Variants in DCAF8L2 observed in about 807,000 individuals in gnomAD.
DCAF8L2 encodes DDB1- and CUL4-associated factor 8-like protein 2.
For synonymous variants in DCAF8L2, 200 were observed against 190.9 expected, an observed-to-expected ratio of 1.05 and a Z score of -0.39; for missense variants, 430 against 490.7, an observed-to-expected ratio of 0.88 and a Z score of 1.17.
At chrX:27,519,299 C>A in the DCAF8L2 span, 1 of 1,036,292 alleles carries the variant, frequency 9.6e-7, no homozygotes, top group Non-Finnish European at 1.4e-6. Flanking sequence ...TGAAAACGAG[C>A]AAAAGAAGAA....
intron 4 of DCAF8L2, among the ~76,000 whole-genome samples, chrX:27,745,751 T>C (rs1922128590): frequency 8.9e-6 from 1 of 112,036 alleles, no homozygotes; most frequent in East Asian, 2.8e-4. Flanking sequence ...TATGCTGATA[T>C]CACCTTAGAT....
chrX:27,552,639 T>G, the DCAF8L2 span, among the ~76,000 whole-genome samples: 1 of 112,066 alleles, frequency 8.9e-6, no homozygotes, highest in East Asian at 2.8e-4. Context: ...CCCTCTATTT[T>G]GTTCCATTGG....
chrX:27,581,727 C>A, the DCAF8L2 span, among the ~76,000 whole-genome samples: 1 of 110,002 alleles, frequency 9.1e-6, no homozygotes, highest in Non-Finnish European at 1.9e-5. Context: ...AGACTACAGG[C>A]ACCGGCCACC....
At chrX:27,491,635 T>C in the DCAF8L2 span, among the ~76,000 whole-genome samples, 1 of 112,306 alleles carries the variant, frequency 8.9e-6, no homozygotes, top group African/African-American at 3.2e-5. Flanking sequence ...AGAATGATGA[T>C]TTCGAAACTG....
At chrX:27,551,723 C>G in the DCAF8L2 span, among the ~76,000 whole-genome samples, 7 of 111,570 alleles carry the variant, frequency 6.3e-5, no homozygotes, top group East Asian at 2.0e-3. Context: ...TTTTCCTTAT[C>G]CATCCATCCA....
At chrX:27,742,664 G>T (rs1352681113) in intron 4 of DCAF8L2, among the ~76,000 whole-genome samples, 10 of 111,329 alleles carry the variant, frequency 9.0e-5, no homozygotes, top group Non-Finnish European at 1.9e-4. Context: ...CAAGGTTCCT[G>T]ATTCCTATCA....
chrX:27,517,912 A>C, the DCAF8L2 span: 1 of 1,177,904 alleles, frequency 8.5e-7, no homozygotes. Context: ...CAACTTTTTG[A>C]CCAGATGGTG....
the DCAF8L2 span, among the ~76,000 whole-genome samples, chrX:27,500,149 T>G: frequency 1.5e-4 from 17 of 111,897 alleles, no homozygotes; most frequent in African/African-American, 5.2e-4. Context: ...GTCTCTGTAT[T>G]ATCTCTTACA....
intron 2 of DCAF8L2, among the ~76,000 whole-genome samples, chrX:27,643,921 G>C (rs757990735): frequency 9.0e-6 from 1 of 111,552 alleles, no homozygotes; most frequent in Non-Finnish European, 1.9e-5. Context: ...TCCTATAAAA[G>C]GATCTATATT....
chrX:27,514,585 C>T, the DCAF8L2 span, among the ~76,000 whole-genome samples: 5 of 91,791 alleles, frequency 5.4e-5, no homozygotes, highest in African/African-American at 8.1e-5. Flanking sequence ...AGGAGAATGG[C>T]GTGAACCCGG....
chrX:27,545,463 C>A, the DCAF8L2 span, among the ~76,000 whole-genome samples: 1 of 112,079 alleles, frequency 8.9e-6, no homozygotes, highest in Non-Finnish European at 1.9e-5. Context: ...AATGCTATGA[C>A]AGAAATGTTT....
chrX:27,624,894 A>G (rs764154964), intron 1 of DCAF8L2, among the ~76,000 whole-genome samples: 8 of 111,720 alleles, frequency 7.2e-5, no homozygotes, highest in African/African-American at 2.6e-4. Flanking sequence ...AAATTAAAAA[A>G]CCCTGGAATA....
At chrX:27,626,974 C>T (rs1429866338) in intron 1 of DCAF8L2, among the ~76,000 whole-genome samples, 6 of 106,729 alleles carry the variant, frequency 5.6e-5, no homozygotes, top group Non-Finnish European at 9.6e-5. Context: ...CATGAAGTAG[C>T]AGCTTATAAT....
the DCAF8L2 span, among the ~76,000 whole-genome samples, chrX:27,497,951 T>C: frequency 2.7e-5 from 3 of 112,467 alleles, no homozygotes; most frequent in East Asian, 2.8e-4. Context: ...TTTCAGTCAG[T>C]ATAATGTCCT....
chrX:27,584,257 C>T, the DCAF8L2 span, among the ~76,000 whole-genome samples: 1 of 110,991 alleles, frequency 9.0e-6, no homozygotes, highest in African/African-American at 3.3e-5. Flanking sequence ...GCCTACATTT[C>T]AACTTCATTT....
chrX:27,495,769 A>T, the DCAF8L2 span, among the ~76,000 whole-genome samples: 53 of 111,515 alleles, frequency 4.8e-4, no homozygotes, highest in Admixed American at 4.2e-3. Flanking sequence ...CATTATTAGA[A>T]ATTGTCAAAT....
chrX:27,736,486 T>G (rs1469046325), intron 4 of DCAF8L2, among the ~76,000 whole-genome samples: 1 of 112,200 alleles, frequency 8.9e-6, no homozygotes. Flanking sequence ...AACTTTCTCT[T>G]GAGCAAAGCA....
At chrX:27,696,274 GAAAGAAAGAAAGAAA>G (rs1569184484) in intron 3 of DCAF8L2, among the ~76,000 whole-genome samples, 42 of 24,954 alleles carry the variant, frequency 1.7e-3, no homozygotes, top group Non-Finnish European at 2.4e-3. Context: ...GAGAGAGAAA[GAAAGAAAGAAAGAAA>G]GAAAGAAAGA....
At chrX:27,699,902 G>T (rs184006259) in intron 3 of DCAF8L2, among the ~76,000 whole-genome samples, 1 of 110,717 alleles carries the variant, frequency 9.0e-6, no homozygotes, top group African/African-American at 3.3e-5. Flanking sequence ...GGGCATGGTG[G>T]TGTGCACCTG....
Sources: gnomAD v4.1 joint callset for allele counts (sites outside exome capture counted in the v4.1 genomes callset) on GRCh38, gnomAD v4.1.1 for gene constraint, MANE v1.5 for transcripts, NCBI Gene and HGNC (gene_info 2026-07-23, HGNC 2026-07-21) for gene names.